Variants in DHRS11 observed in about 807,000 individuals in gnomAD.
The protein encoded by DHRS11 is dehydrogenase/reductase SDR family member 11.
DHRS11 carries 18 observed loss-of-function variants against 30.7 expected under a neutral mutation model. The ratio of observed to expected loss-of-function variants is 0.59; its 90% confidence interval spans 0.41 to 0.87. DHRS11 has a LOEUF of 0.87. Ranked by LOEUF, DHRS11 falls within the 40% of genes least tolerant of loss-of-function variation. The pLI is 0.00. For missense variants in DHRS11, 300 were observed against 349.0 expected, an observed-to-expected ratio of 0.86 and a Z score of 1.12; for synonymous variants, 123 against 139.6, an observed-to-expected ratio of 0.88 and a Z score of 0.84.
intron 4 of DHRS11, 87 bp from the exon 5 acceptor site, chr17:36,599,584 G>A (rs2074839149): frequency 1.5e-6 from 2 of 1,359,240 alleles, no homozygotes; most frequent in Non-Finnish European, 2.1e-6. Flanking sequence ...TGTGAAGCTG[G>A]GGTTCTGTGG....
intron 5 of DHRS11, 98 bp downstream of exon 5, chr17:36,599,861 T>A (rs1346607138): frequency 6.3e-7 from 1 of 1,586,452 alleles, no homozygotes; most frequent in African/African-American, 1.3e-5. Flanking sequence ...CCTTTGTGGC[T>A]CCTCCTGGAG....
At chr17:36,597,240 A>T (rs1359136947) in intron 2 of DHRS11, 1 of 214,066 alleles carries the variant, frequency 4.7e-6, no homozygotes, top group African/African-American at 2.3e-5. Flanking sequence ...ACTGCCATGA[A>T]CACCAAGACA....
rs969834307 is a variant in DHRS11, at chr17:36,591,994, C to T, written c.-16C>T. 8.2e-7 allele frequency: 1 copy of T among 1,224,968 alleles called. No homozygotes were observed. The highest frequency in any genetic ancestry group is 1.0e-6 in the Non-Finnish European group (1 of 983,494). The allele number at this position is 1,224,968 out of a possible 1,614,324, so 75.9% of individuals were successfully genotyped here. On this transcript the variant is annotated 5_prime_UTR_variant, in exon 1 of 7. It adds an upstream start codon to the 5' untranslated region. Transcript: ENST00000618403. ...TGTCGGGCTAGTCCAGCGAGGCGGA[C>T]GGGCGGCGTGGGCCCATGGCCAGGC...
chr17:36,597,065 GCC>G lies in DHRS11; in HGVS notation c.358-1095_358-1094del. 3 of 328,432 alleles carry G rather than the reference GCC, an allele frequency of 9.1e-6. No individual in the cohort carries two copies. The Admixed American group carries it at 1.2e-4, about 13-fold the overall frequency. 20.3% of individuals were successfully genotyped at this position (328,432 alleles called of 1,614,324 possible). On this transcript the variant is annotated intron_variant, in intron 2 of 6. Coordinates refer to ENST00000618403, the MANE Select transcript of DHRS11 (RefSeq NM_024308.4). Reference sequence around the variant, plus strand: ...CCTATGAGGCATCTTCTCTTTCCCTGCCCCTGATACCCTAGACCTGGGAGATT... The same window carrying G: ...CCTATGAGGCATCTTCTCTTTCCCTGCCTGATACCCTAGACCTGGGAGATT...
chr17:36,598,832 G>A, intron 3 of DHRS11, 89 bp from the exon 4 acceptor site: 7 of 1,513,008 alleles, frequency 4.6e-6, no homozygotes, highest in Non-Finnish European at 6.2e-6. Flanking sequence ...TGGGCATCTG[G>A]GTGGTGGGGC....
At position 36,600,160 on chromosome 17, in the gene DHRS11, A is replaced by G. The variant is rs1313976448; in HGVS notation, c.742-2A>G. On this transcript the variant is annotated splice_acceptor_variant, in intron 6 of 6. Transcript: ENST00000618403. LOFTEE classifies it high-confidence loss of function. Reference sequence around the variant, plus strand: ...CTGCCTCATGCCTTGTACCTTCCACAGATTGGAGACATCCAGATGAGGCCC... The same window carrying G: ...CTGCCTCATGCCTTGTACCTTCCACGGATTGGAGACATCCAGATGAGGCCC... 1 of 1,613,896 alleles carries G rather than the reference A, an allele frequency of 6.2e-7. No homozygotes were observed. The highest frequency in any genetic ancestry group is 1.7e-5 in the Admixed American group (1 of 59,992).
Position 36,595,137 on chromosome 17 carries a change from C to A in DHRS11, c.314C>A (p.Thr105Asn). ...AATGCTGGCTTGGCCCGGCCTGACA[C>A]CCTGCTCTCAGGCAGCACCAGTGGT... ...INNAGLARPD[T>N]LLSGSTSGWK... The change falls in exon 2 of 7, where the codon ACC becomes AAC. Residue 105 changes from threonine to asparagine, a missense_variant. By Grantham distance (65) the Thr-to-Asn change is moderately conservative. Transcript: ENST00000618403. 1 of 1,614,016 alleles carries A rather than the reference C, an allele frequency of 6.2e-7. No homozygotes were observed. Among genetic ancestry groups the A allele is most frequent in the Non-Finnish European group, 8.5e-7 (1 of 1,180,034 alleles).
chr17:36,595,310 G>A (rs1234748233), intron 2 of DHRS11, 130 bp downstream of exon 2: 1 of 902,166 alleles, frequency 1.1e-6, no homozygotes, highest in South Asian at 1.6e-5. Flanking sequence ...CCCACCTGGG[G>A]CATCTTGACT....
rs1054278294 is a variant in DHRS11 at position 36,596,663 on chromosome 17, T to C, written c.357+1483T>C. ...CATGTTGGAAGGGTTTTTAAAATGT[T>C]TTGAAACTGTGCACAGGCCAAACCC... On this transcript the variant is annotated intron_variant, in intron 2 of 6. Transcript: ENST00000618403. 9 of 391,872 alleles carry C rather than the reference T, an allele frequency of 2.3e-5. No homozygotes were observed. In the Admixed American group the frequency reaches 3.0e-4, roughly 13 times the overall value. The allele number at this position is 391,872 out of a possible 1,614,324, so 24.3% of individuals were successfully genotyped here. A position where few individuals can be genotyped will look rare whatever the true frequency, so the allele number is the denominator to read the frequency against.
In DHRS11 at chr17:36,598,944, C is replaced by G. The variant is rs150477741; in HGVS notation, c.476C>G (p.Pro159Arg). The G allele has an allele frequency of 6.2e-7, 1 of 1,613,486 alleles. No individual in the cohort carries two copies. The highest frequency in any genetic ancestry group is 2.2e-5 in the East Asian group (1 of 44,862). ...AGCATGTCTGGCCACCGAGTGTTAC[C>G]CCTGTCTGTGACCCACTTCTATAGT... ...INSMSGHRVL[P>R]LSVTHFYSAT... The change falls in exon 4 of 7, where the codon CCC becomes CGC. Residue 159 changes from proline to arginine, a missense_variant. Pro to Arg is a moderately radical substitution (Grantham distance 103). Coordinates refer to ENST00000618403, the MANE Select transcript of DHRS11 (RefSeq NM_024308.4).
rs769923759 is a variant in DHRS11, at chr17:36,592,177, G to A, written c.147+21G>A. On this transcript the variant is annotated intron_variant, in intron 1 of 6. Transcript: ENST00000618403. This position sits in a 1 kb window ranked among gnomAD's most constrained non-coding sequence, Gnocchi z 4.4. The stretch of plus-strand genomic sequence containing the variant: ...TCGAGGTGAGGCCGGGCCGAGGGCG[G>A]GGACGTCGCGGGCGGGTCGTTTCCC... 7.1e-6 allele frequency: 9 copies of A among 1,264,528 alleles called. No homozygotes were observed. The African/African-American group carries it at 7.6e-5, about 11-fold the overall frequency. The allele number at this position is 1,264,528 out of a possible 1,614,324, so 78.3% of individuals were successfully genotyped here. A position where few individuals can be genotyped will look rare whatever the true frequency, so the allele number is the denominator to read the frequency against.
chr17:36,592,135 C>T lies in DHRS11; in HGVS notation c.126C>T (p.Ala42=). Residue 42 remains alanine, a synonymous_variant, in exon 1 of 7, where the codon GCC becomes GCT. Transcript: ENST00000618403. This position sits in a 1 kb window ranked among gnomAD's most constrained non-coding sequence, Gnocchi z 4.4. ...AGGGACTGAAGGTGGTGGGCTGCGC[C>T]CGCACTGTGGGCAACATCGAGGTGA... ...VQQGLKVVGC[A]RTVGNIEELA... is the part of the protein sequence containing the mutation. 2 of 1,282,370 alleles carry T rather than the reference C, an allele frequency of 1.6e-6. No homozygotes were observed. The highest frequency in any genetic ancestry group is 2.0e-6 in the Non-Finnish European group (2 of 1,013,926). The allele number at this position is 1,282,370 out of a possible 1,614,324, so 79.4% of individuals were successfully genotyped here. A position where few individuals can be genotyped will look rare whatever the true frequency, so the allele number is the denominator to read the frequency against.
chr17:36,593,470 A>T (rs2142810972), intron 1 of DHRS11, among the ~76,000 whole-genome samples: 1 of 152,214 alleles, frequency 6.6e-6, no homozygotes, highest in Non-Finnish European at 1.5e-5. Context: ...CTAGAGGAGG[A>T]AGCGGGAAGA....
Position 36,598,956 on chromosome 17 carries a change from C to A in DHRS11, c.488C>A (p.Thr163Asn), listed in dbSNP as rs777568391. 2.5e-6 allele frequency: 4 copies of A among 1,613,580 alleles called. No homozygotes were observed. The Admixed American group carries it at 6.7e-5, about 27-fold the overall frequency. The change falls in exon 4 of 7, where the codon ACC becomes AAC. Residue 163 changes from threonine to asparagine, a missense_variant. Thr to Asn is a moderately conservative substitution (Grantham distance 65). Transcript: ENST00000618403. ...SGHRVLPLSV[T>N]HFYSATKYAV... The stretch of plus-strand genomic sequence containing the variant: ...CACCGAGTGTTACCCCTGTCTGTGA[C>A]CCACTTCTATAGTGCCACCAAGTAT...
At chr17:36,593,079 T>A (rs968824530) in intron 1 of DHRS11, among the ~76,000 whole-genome samples, 4 of 152,076 alleles carry the variant, frequency 2.6e-5, no homozygotes, top group Non-Finnish European at 5.9e-5. Context: ...CCCCACTCTT[T>A]CCTCCCTTTA....
At chr17:36,599,354 C>T (rs375558102) in intron 4 of DHRS11, 1 of 549,686 alleles carries the variant, frequency 1.8e-6, no homozygotes, top group East Asian at 3.1e-5. Context: ...CTGGGCTCTT[C>T]TCTTGAAGGC....
chr17:36,599,049 C>T lies in DHRS11; in HGVS notation c.581C>T (p.Thr194Met), dbSNP rs145372121. The change falls in exon 4 of 7, where the codon ACG becomes ATG. Residue 194 changes from threonine to methionine, a missense_variant and splice_region_variant. By Grantham distance (81) the Thr-to-Met change is moderately conservative. Transcript: ENST00000618403. ...GAGGCCCAGACCCACATCCGAGCCA[C>T]GGTGAGGCTGTGGCCTAGCCCTGGT... ...LREAQTHIRA[T>M]CISPGVVETQ... 3.1e-6 allele frequency: 5 copies of T among 1,611,136 alleles called. No individual in the cohort carries two copies. The highest frequency in any genetic ancestry group is 4.2e-6 in the Non-Finnish European group (5 of 1,179,882).
chr17:36,592,068 C>A lies in DHRS11; in HGVS notation c.59C>A (p.Ser20Ter). ...CGGCTGGCGCTGGTGACGGGGGCCT[C>A]GGGGGGCATCGGCGCGGCCGTGGCC... is the stretch of plus-strand genomic sequence containing the variant. ...RDRLALVTGA[S>*]GGIGAAVARA... The change falls in exon 1 of 7, where the codon TCG (serine) becomes TAG (stop). Residue 20 changes from serine (S) to a stop codon, truncating the protein, a stop_gained. Transcript: ENST00000618403. LOFTEE classifies it high-confidence loss of function. This position sits in a 1 kb window ranked among gnomAD's most constrained non-coding sequence, Gnocchi z 4.4. The A allele has an allele frequency of 8.1e-7, 1 of 1,238,860 alleles. No individual in the cohort carries two copies. The highest frequency in any genetic ancestry group is 1.0e-6 in the Non-Finnish European group (1 of 990,822). 76.7% of individuals were successfully genotyped at this position (1,238,860 alleles called of 1,614,324 possible).
chr17:36,596,530 A>C, intron 2 of DHRS11: 1 of 214,318 alleles, frequency 4.7e-6, no homozygotes, highest in Non-Finnish European at 9.5e-6. Flanking sequence ...CCATTCACTA[A>C]AATGACAGCT....
Sources: gnomAD v4.1 joint callset for allele counts (sites outside exome capture counted in the v4.1 genomes callset) on GRCh38, gnomAD v4.1.1 for gene constraint, Gnocchi (gnomAD v3.1) non-coding constraint, MANE v1.5 for transcripts, NCBI Gene and HGNC (gene_info 2026-07-23, HGNC 2026-07-21) for gene names.